Variants in CDH13 observed in about 807,000 individuals in gnomAD.
The protein encoded by CDH13 is cadherin 13, also known as cadherin-13.
CDH13 carries 24 observed loss-of-function variants against 63.8 expected under a neutral mutation model. The ratio of observed to expected loss-of-function variants is 0.38; its 90% CI spans 0.27 to 0.53. CDH13 has a LOEUF of 0.53. Among genes scored for constraint, CDH13 ranks in the 20% least tolerant of loss-of-function variants. CDH13 has a pLI of 0.85. For missense variants in CDH13, 1,049 were observed against 903.1 expected (o/e 1.16, Z -2.07); for synonymous variants, 503 against 355.3 (o/e 1.42, Z -4.67).
intron 3 of CDH13, among the ~76,000 whole-genome samples, chr16:83,086,353 T>C (rs189952045): frequency 6.6e-6 from 1 of 152,346 alleles, no homozygotes; most frequent in Admixed American, 6.5e-5. Context: ...TGTGTGTTTT[T>C]GGGTAAGGTA....
intron 1 of CDH13, among the ~76,000 whole-genome samples, chr16:82,857,958 G>T (rs1424259788): frequency 4.6e-5 from 7 of 152,152 alleles, no homozygotes; most frequent in Non-Finnish European, 1.0e-4. Context: ...CAACAGAATA[G>T]TTCCATTTTC....
chr16:83,425,108 C>T (rs1045886192), intron 6 of CDH13, among the ~76,000 whole-genome samples: 1 of 152,162 alleles, frequency 6.6e-6, no homozygotes, highest in Admixed American at 6.5e-5. Context: ...GTGATCCCAC[C>T]GTTTGTCCAT....
chr16:83,254,439 T>C (rs968750104), intron 5 of CDH13, among the ~76,000 whole-genome samples: 1 of 152,082 alleles, frequency 6.6e-6, no homozygotes, highest in African/African-American at 2.4e-5. Context: ...ATGAGCAAAA[T>C]GGATTATTCA....
chr16:83,621,145 C>T (rs554289568), intron 8 of CDH13, among the ~76,000 whole-genome samples: 1 of 152,186 alleles, frequency 6.6e-6, no homozygotes, highest in Non-Finnish European at 1.5e-5. Flanking sequence ...GCTCCAGACC[C>T]CAACTCTCAA....
rs1385290811 is a variant in CDH13, at chr16:83,216,420, A to ATATG, written c.484-922_484-921insGTAT. 1.3e-4 allele frequency among the ~76,000 whole-genome samples: 13 copies of ATATG among 96,774 alleles called. 1 individual carries two copies. Among genetic ancestry groups the ATATG allele is most frequent in the African/African-American group, 4.9e-4 (13 of 26,430 alleles). 63.5% of individuals were successfully genotyped at this position (96,774 alleles called of 152,430 possible). A position where few individuals can be genotyped will look rare whatever the true frequency, so the allele number is the denominator to read the frequency against. On this transcript the variant is annotated intron_variant, in intron 4 of 13. Transcript: ENST00000567109. Reference sequence around the variant, plus strand: ...GAAATATATATATATATATATATATATATATATATATATATATATATATAC... The same window carrying ATATG: ...GAAATATATATATATATATATATATATATGTATATATATATATATATATATATAC...
At chr16:83,433,992 A>G (rs961542734) in intron 6 of CDH13, among the ~76,000 whole-genome samples, 1 of 152,076 alleles carries the variant, frequency 6.6e-6, no homozygotes, top group African/African-American at 2.4e-5. Context: ...CTTTCTAGCA[A>G]GGTTAATATG....
chr16:83,142,011 G>A lies in CDH13; in HGVS notation c.483+16510G>A, dbSNP rs529839673. Among the ~76,000 whole-genome samples the A allele has an allele frequency of 3.7e-3, 558 of 152,280 alleles. 3 individuals carry two copies. Among genetic ancestry groups the A allele is most frequent in the African/African-American group, 0.013 (541 of 41,562 alleles). ...CACTGGCTGAAAAGCCCCAGAAAGT[G>A]GGGATGTACCAGTACAAGTTTCCCA... On this transcript the variant is annotated intron_variant, in intron 4 of 13. Coordinates refer to ENST00000567109, the MANE Select transcript of CDH13 (RefSeq NM_001257.5).
At chr16:83,361,161 T>G (rs1040521506) in intron 6 of CDH13, among the ~76,000 whole-genome samples, 1 of 152,212 alleles carries the variant, frequency 6.6e-6, no homozygotes, top group Non-Finnish European at 1.5e-5. Context: ...TCATTGTGGT[T>G]TCAGTTTGCG....
chr16:83,735,621 C>A (rs1911470436), intron 10 of CDH13: 1 of 152,124 alleles, frequency 6.6e-6, no homozygotes, highest in Admixed American at 6.6e-5. Context: ...TCTTTCTGGG[C>A]TTGGCTTATT....
rs561293903 is a variant in CDH13, at chr16:82,955,609, C to G, written c.158-76401C>G. Among the ~76,000 whole-genome samples, 3 of 152,236 alleles carry G rather than the reference C, an allele frequency of 2.0e-5. No homozygotes were observed. In the East Asian group the frequency reaches 5.8e-4, roughly 29 times the overall value. On this transcript the variant is annotated intron_variant, in intron 2 of 13. Transcript: ENST00000567109. ...CATTCGTTTTTGTTTTTATTTGGCA[C>G]CTACTGTGAATCAGTCACTGTGTTA... is the stretch of plus-strand genomic sequence containing the variant.
intron 3 of CDH13, among the ~76,000 whole-genome samples, chr16:83,074,416 G>T (rs971931792): frequency 6.6e-6 from 1 of 152,114 alleles, no homozygotes; most frequent in Non-Finnish European, 1.5e-5. Flanking sequence ...CACAAGGTCC[G>T]TTCCATATCT....
intron 1 of CDH13, among the ~76,000 whole-genome samples, chr16:82,752,157 C>A (rs1388247050): frequency 6.6e-6 from 1 of 152,216 alleles, no homozygotes; most frequent in Admixed American, 6.5e-5. Flanking sequence ...ACAATCAATA[C>A]ATGAGCCTCC....
chr16:83,510,262 T>G (rs1438600163), intron 7 of CDH13, among the ~76,000 whole-genome samples: 1 of 152,188 alleles, frequency 6.6e-6, no homozygotes, highest in Non-Finnish European at 1.5e-5. Flanking sequence ...GTAATTTTTT[T>G]GCTCTCCGAG....
chr16:83,678,336 C>A lies in CDH13; in HGVS notation c.1413C>A (p.Val471=), dbSNP rs1178294284. The A allele has an allele frequency of 5.0e-6, 8 of 1,613,880 alleles. No homozygotes were observed. The highest frequency in any genetic ancestry group is 6.8e-6 in the Non-Finnish European group (8 of 1,179,896). The change falls in exon 10 of 14, where the codon GTC becomes GTA. Residue 471 remains valine, a synonymous_variant. Transcript: ENST00000567109. ...TATVHITVLD[V]NEGPVFYPDP... is the part of the protein sequence containing the mutation. ...CCGTCCACATCACTGTCCTGGATGT[C>A]AACGAGGGCCCAGTCTTCTACCCAG...
intron 7 of CDH13, among the ~76,000 whole-genome samples, chr16:83,559,073 C>G (rs2075653196): frequency 6.6e-6 from 1 of 152,148 alleles, no homozygotes; most frequent in Admixed American, 6.5e-5. Flanking sequence ...GAACTCCTTT[C>G]TTTTAAACAC....
In CDH13 at chr16:82,819,408, A is replaced by T. The variant is rs571248023; in HGVS notation, c.46-38954A>T. On this transcript the variant is annotated intron_variant, in intron 1 of 13. Coordinates refer to ENST00000567109, the MANE Select transcript of CDH13 (RefSeq NM_001257.5). ...TGGAATTACTATGAGAAAGGCATGG[A>T]CTAGGGAGTCATGAAGTCCTCCCCC... Among the ~76,000 whole-genome samples the T allele has an allele frequency of 3.3e-5, 5 of 152,316 alleles. No individual in the cohort carries two copies. In the East Asian group the frequency reaches 9.7e-4, roughly 29 times the overall value.
intron 5 of CDH13, among the ~76,000 whole-genome samples, chr16:83,253,479 C>T (rs4417538): frequency 0.99 from 150,696 of 152,342 alleles, 74,560 homozygotes; most frequent in Middle Eastern, 1. Context: ...GAACCAGGCA[C>T]ATTCGCCACA....
chr16:83,084,658 G>A (rs1237989180), intron 3 of CDH13, among the ~76,000 whole-genome samples: 1 of 152,188 alleles, frequency 6.6e-6, no homozygotes, highest in African/African-American at 2.4e-5. Context: ...GGAGGCTGAG[G>A]TGGGTGGATC....
chr16:82,848,188 G>T (rs759818215), intron 1 of CDH13, among the ~76,000 whole-genome samples: 8 of 152,198 alleles, frequency 5.3e-5, no homozygotes, highest in Non-Finnish European at 1.0e-4. Context: ...CTGGTGAGTG[G>T]CATCAGTGAG....
Sources: gnomAD v4.1 joint callset for allele counts (sites outside exome capture counted in the v4.1 genomes callset) on GRCh38, gnomAD v4.1.1 for gene constraint, MANE v1.5 for transcripts, NCBI Gene and HGNC (gene_info 2026-07-23, HGNC 2026-07-21) for gene names.